PRKN: variants seen among roughly 807,000 people sequenced by gnomAD.
The protein encoded by PRKN is E3 ubiquitin-protein ligase parkin.
PRKN carries 56 observed loss-of-function variants against 59.5 expected under a neutral mutation model. The ratio of observed to expected loss-of-function variants is 0.94; its 90% CI spans 0.76 to 1.18. PRKN has a LOEUF of 1.18. Among genes scored for constraint, PRKN ranks in the 50% most tolerant of loss-of-function variants. PRKN has a pLI of 0.00. For synonymous variants in PRKN, 250 were observed against 222.1 expected (o/e 1.13, Z -1.12); for missense variants, 657 against 596.4 (o/e 1.10, Z -1.06).
intron 7 of PRKN, among the ~76,000 whole-genome samples, chr6:161,618,215 C>T (rs995773797): frequency 9.2e-5 from 14 of 152,182 alleles, no homozygotes; most frequent in African/African-American, 2.9e-4. Context: ...ATCCCATGCT[C>T]GTTAATTCCC....
chr6:161,758,437 A>G (rs1416576163), intron 7 of PRKN, among the ~76,000 whole-genome samples: 3 of 152,188 alleles, frequency 2.0e-5, no homozygotes, highest in Non-Finnish European at 2.9e-5. Context: ...GATAAATTTC[A>G]AAATAATTTT....
chr6:161,717,239 C>T (rs1787023297), intron 7 of PRKN, among the ~76,000 whole-genome samples: 2 of 152,186 alleles, frequency 1.3e-5, no homozygotes, highest in Non-Finnish European at 1.5e-5. Flanking sequence ...CAGTGCGGGC[C>T]TTCTTGCTGT....
intron 6 of PRKN, among the ~76,000 whole-genome samples, chr6:161,911,536 GTCC>G (rs1778360877): frequency 6.6e-6 from 1 of 152,082 alleles, no homozygotes; most frequent in Admixed American, 6.5e-5. Context: ...TCCATTTTAT[GTCC>G]CCCAACCCTG....
Position 161,774,382 on chromosome 6 carries a change from G to GCACA in PRKN, c.871+11386_871+11389dup, listed in dbSNP as rs3220723. ...CTCCCCCATCCTTTCTACTCCCTGA[G>GCACA]CACACACACACACACACACACACAC... is the stretch of plus-strand genomic sequence containing the variant. On this transcript the variant is annotated intron_variant, in intron 7 of 11. Transcript: ENST00000366898. Among the ~76,000 whole-genome samples the GCACA allele has an allele frequency of 1.3e-3, 172 of 131,026 alleles. 1 individual carries two copies. Among genetic ancestry groups the GCACA allele is most frequent in the African/African-American group, 2.2e-3 (74 of 34,002 alleles). 86.0% of individuals were successfully genotyped at this position (131,026 alleles called of 152,430 possible). A position where few individuals can be genotyped will look rare whatever the true frequency, so the allele number is the denominator to read the frequency against.
chr6:161,724,672 G>C (rs1317683399), intron 7 of PRKN, among the ~76,000 whole-genome samples: 1 of 152,146 alleles, frequency 6.6e-6, no homozygotes, highest in African/African-American at 2.4e-5. Context: ...TTATCATGCA[G>C]GGTGAAAAAT....
intron 9 of PRKN, among the ~76,000 whole-genome samples, chr6:161,486,029 T>A (rs1293924796): frequency 6.6e-6 from 1 of 152,140 alleles, no homozygotes; most frequent in Non-Finnish European, 1.5e-5. Flanking sequence ...GTTTACTTTT[T>A]AGCAAAGAAA....
chr6:162,508,456 T>C (rs1793700706), intron 1 of PRKN, among the ~76,000 whole-genome samples: 1 of 152,226 alleles, frequency 6.6e-6, no homozygotes, highest in African/African-American at 2.4e-5. Flanking sequence ...TGTCCCATTA[T>C]CATAAGCTGT....
At chr6:162,315,169 TTC>T (rs1265471390) in intron 2 of PRKN, among the ~76,000 whole-genome samples, 2 of 152,326 alleles carry the variant, frequency 1.3e-5, no homozygotes, top group African/African-American at 4.8e-5. Flanking sequence ...TGTATAATTG[TTC>T]TCTGTTGTTA....
intron 5 of PRKN, among the ~76,000 whole-genome samples, chr6:162,015,185 GTTC>G (rs1782888785): frequency 6.6e-6 from 1 of 152,114 alleles, no homozygotes; most frequent in Non-Finnish European, 1.5e-5. Context: ...TTGACTGTGA[GTTC>G]TGAAATGTTA....
intron 9 of PRKN, among the ~76,000 whole-genome samples, chr6:161,509,209 T>C (rs1004906167): frequency 6.6e-6 from 1 of 152,132 alleles, no homozygotes; most frequent in Non-Finnish European, 1.5e-5. Flanking sequence ...TCTTTTTTTT[T>C]TTTTTAAATT....
chr6:162,490,625 A>G (rs1792767229), intron 1 of PRKN, among the ~76,000 whole-genome samples: 1 of 152,164 alleles, frequency 6.6e-6, no homozygotes, highest in Non-Finnish European at 1.5e-5. Context: ...GATATTTCTA[A>G]TAAATGATTT....
At chr6:161,726,340 A>T (rs555729243) in intron 7 of PRKN, among the ~76,000 whole-genome samples, 2 of 152,324 alleles carry the variant, frequency 1.3e-5, no homozygotes, top group East Asian at 3.9e-4. Context: ...AACAGAGTAA[A>T]TCTATAACAA....
chr6:161,675,673 T>TATATCTCCTC (rs1785060908), intron 7 of PRKN, among the ~76,000 whole-genome samples: 1 of 152,190 alleles, frequency 6.6e-6, no homozygotes, highest in Admixed American at 6.5e-5. Flanking sequence ...CTCCTCATTA[T>TATATCTCCTC]ATTCCCCAGC....
chr6:162,474,514 A>T (rs983004244), intron 1 of PRKN, among the ~76,000 whole-genome samples: 4 of 152,192 alleles, frequency 2.6e-5, no homozygotes, highest in Admixed American at 2.6e-4. Flanking sequence ...TTCCCAGGAA[A>T]TCACAGGAAA....
At chr6:162,206,240 A>C (rs1784932681) in intron 3 of PRKN, among the ~76,000 whole-genome samples, 1 of 152,142 alleles carries the variant, frequency 6.6e-6, no homozygotes, top group South Asian at 2.1e-4. Context: ...CATATGCTCA[A>C]GGTACAGTTA....
At chr6:161,923,525 A>G (rs1778856549) in intron 6 of PRKN, among the ~76,000 whole-genome samples, 1 of 152,136 alleles carries the variant, frequency 6.6e-6, no homozygotes, top group Non-Finnish European at 1.5e-5. Flanking sequence ...AACTCATAAA[A>G]AGTTATTAAA....
chr6:162,579,816 G>A (rs1476854990), intron 1 of PRKN, among the ~76,000 whole-genome samples: 1 of 152,044 alleles, frequency 6.6e-6, no homozygotes, highest in African/African-American at 2.4e-5. Flanking sequence ...CAATTATTGG[G>A]CTTATATTGT....
In PRKN at chr6:161,386,258, A is replaced by G. The variant is rs1786234734; in HGVS notation, c.1167+536T>C. 6.6e-6 allele frequency among the ~76,000 whole-genome samples: 1 copy of G among 152,206 alleles called. No individual in the cohort carries two copies. The highest frequency in any genetic ancestry group is 2.4e-5 in the African/African-American group (1 of 41,454). On this transcript the variant is annotated intron_variant, in intron 10 of 11. Transcript: ENST00000366898. This position sits in a 1 kb window ranked among gnomAD's most constrained non-coding sequence, Gnocchi z 4.3. ...AATAAAATGCATTTGCACTTTCCTA[A>G]GACTGAGATAGCACCTTAGAGAGTG...
rs556160607 is a variant in PRKN at position 162,244,720 on chromosome 6, A to G, written c.412+17805T>C. The stretch of plus-strand genomic sequence containing the variant: ...GTTGTTTTTGCATCAGGGTATATGG[A>G]ATTAATGTTGATTCTTCCAAATCAT... On this transcript the variant is annotated intron_variant, in intron 3 of 11. Coordinates refer to ENST00000366898, the MANE Select transcript of PRKN (RefSeq NM_004562.3). Among the ~76,000 whole-genome samples the G allele has an allele frequency of 1.3e-3, 194 of 152,214 alleles. 1 individual carries two copies. Among genetic ancestry groups the G allele is most frequent in the African/African-American group, 4.3e-3 (178 of 41,552 alleles).
Sources: gnomAD v4.1 joint callset for allele counts (sites outside exome capture counted in the v4.1 genomes callset) on GRCh38, gnomAD v4.1.1 for gene constraint, Gnocchi (gnomAD v3.1) non-coding constraint, MANE v1.5 for transcripts, NCBI Gene and HGNC (gene_info 2026-07-23, HGNC 2026-07-21) for gene names.